UCHL5: variants seen among roughly 807,000 people sequenced by gnomAD.
UCHL5 encodes the protein ubiquitin carboxyl-terminal hydrolase isozyme L5.
UCHL5 carries 34 observed loss-of-function variants against 53.8 expected under a neutral mutation model. That is an observed-to-expected ratio of 0.63 (90% CI 0.48 to 0.84). The LOEUF is 0.84. Ranked by LOEUF, UCHL5 falls within the 40% of genes least tolerant of loss-of-function variation. UCHL5 has a pLI of 0.00. For synonymous variants in UCHL5, 111 were observed against 126.3 expected (o/e 0.88, Z 0.81); for missense variants, 290 against 385.6 (o/e 0.75, Z 2.08).
intron 3 of UCHL5, among the ~76,000 whole-genome samples, chr1:193,044,147 T>C (rs1454279988): frequency 6.6e-6 from 1 of 152,232 alleles, no homozygotes; most frequent in Non-Finnish European, 1.5e-5. Flanking sequence ...CTTCGTAATA[T>C]AGTCCTCATT....
chr1:193,044,831 T>C (rs972275624), intron 3 of UCHL5, among the ~76,000 whole-genome samples: 2 of 152,156 alleles, frequency 1.3e-5, no homozygotes, highest in South Asian at 2.1e-4. Flanking sequence ...AGGAGGCATA[T>C]ACTAAAAAGA....
At chr1:193,049,035 C>A (rs1399509713) in intron 3 of UCHL5, among the ~76,000 whole-genome samples, 1 of 152,002 alleles carries the variant, frequency 6.6e-6, no homozygotes, top group Non-Finnish European at 1.5e-5. Context: ...ACCACAGGCA[C>A]GCCACCACCA....
chr1:193,054,486 G>A (rs761459203), intron 1 of UCHL5, among the ~76,000 whole-genome samples: 2 of 152,206 alleles, frequency 1.3e-5, no homozygotes, highest in Non-Finnish European at 2.9e-5. Context: ...TTTGGCTGAT[G>A]ATGTGACCAA....
intron 10 of UCHL5, chr1:193,020,504 T>C (rs1339552272): frequency 7.0e-7 from 1 of 1,437,184 alleles, no homozygotes; most frequent in Non-Finnish European, 9.2e-7. Flanking sequence ...TCCACTGATG[T>C]TCACTTTCAG....
chr1:193,020,183 T>C, intron 10 of UCHL5: 1 of 1,364,952 alleles, frequency 7.3e-7, no homozygotes, highest in Non-Finnish European at 9.5e-7. Flanking sequence ...ATCAATAAGG[T>C]AATATACACA....
Position 193,015,818 on chromosome 1 carries a change from G to A in UCHL5, c.*533C>T, listed in dbSNP as rs560163065. 3 of 152,032 alleles carry A rather than the reference G, an allele frequency of 2.0e-5. No individual in the cohort carries two copies. The South Asian group carries it at 6.2e-4, about 31-fold the overall frequency. 9.4% of individuals were successfully genotyped at this position (152,032 alleles called of 1,614,324 possible). On this transcript the variant is annotated 3_prime_UTR_variant, in exon 11 of 11. Transcript: ENST00000367454. ...TCTACTGACAGCAGTGAAAATCACT[G>A]GAAATTATACTTTTGTCCTTTTTAA...
chr1:193,047,486 A>C (rs1023383857), intron 3 of UCHL5, among the ~76,000 whole-genome samples: 7 of 152,214 alleles, frequency 4.6e-5, no homozygotes, highest in Non-Finnish European at 1.5e-5. Flanking sequence ...AATTCAAAAA[A>C]GTCAGAGGAA....
chr1:193,031,813 A>T (rs191987632), intron 3 of UCHL5, among the ~76,000 whole-genome samples: 51 of 152,348 alleles, frequency 3.3e-4, no homozygotes, highest in Middle Eastern at 3.4e-3. Flanking sequence ...TCTATTTGAA[A>T]GAACTGTAAC....
At chr1:193,057,066 A>AT (rs1159067692) in intron 1 of UCHL5, among the ~76,000 whole-genome samples, 2 of 152,256 alleles carry the variant, frequency 1.3e-5, no homozygotes, top group African/African-American at 2.4e-5. Context: ...TAACTTTAAC[A>AT]TATTGTTAAG....
chr1:193,038,373 G>A (rs1664341726), intron 3 of UCHL5, among the ~76,000 whole-genome samples: 1 of 148,974 alleles, frequency 6.7e-6, no homozygotes, highest in African/African-American at 2.5e-5. Flanking sequence ...GGAGAATGGC[G>A]TGAACCGGGA....
chr1:193,025,411 T>C (rs1395878573), intron 7 of UCHL5, among the ~76,000 whole-genome samples: 1 of 152,212 alleles, frequency 6.6e-6, no homozygotes, highest in Non-Finnish European at 1.5e-5. Flanking sequence ...CATGTGGTAA[T>C]GACAACACCC....
At position 193,012,471 on chromosome 1, in the gene UCHL5, A is replaced by C. The variant is rs1033487229; in HGVS notation, c.*3880T>G. Reference sequence around the variant, plus strand: ...ACATGATTGCAAATTAATATTCTTAATTATTGCACATTGGTTCTGCCTATA... The same window carrying C: ...ACATGATTGCAAATTAATATTCTTACTTATTGCACATTGGTTCTGCCTATA... On this transcript the variant is annotated 3_prime_UTR_variant, in exon 11 of 11. Transcript: ENST00000367454. 6.6e-6 allele frequency: 1 copy of C among 152,204 alleles called. No homozygotes were observed. Among genetic ancestry groups the C allele is most frequent in the African/African-American group, 2.4e-5 (1 of 41,452 alleles). The allele number at this position is 152,204 out of a possible 1,614,324, so 9.4% of individuals were successfully genotyped here. A position where few individuals can be genotyped will look rare whatever the true frequency, so the allele number is the denominator to read the frequency against.
chr1:193,018,686 G>T, intron 10 of UCHL5: 1 of 1,303,970 alleles, frequency 7.7e-7, no homozygotes, highest in South Asian at 2.6e-5. Context: ...ACAGATTATA[G>T]GCAACTGCCT....
chr1:193,019,736 T>A (rs925456290), intron 10 of UCHL5, among the ~76,000 whole-genome samples: 3 of 151,846 alleles, frequency 2.0e-5, no homozygotes, highest in South Asian at 4.1e-4. Context: ...AATCTGGGGA[T>A]ATAGTGTAAT....
At chr1:193,029,743 A>G in intron 3 of UCHL5, 86 bp from the exon 4 acceptor site, 1 of 1,033,336 alleles carries the variant, frequency 9.7e-7, no homozygotes, top group Non-Finnish European at 1.4e-6. Flanking sequence ...CAAAACATGA[A>G]CAGTTTTCAA....
intron 7 of UCHL5, among the ~76,000 whole-genome samples, chr1:193,027,628 T>C (rs1481589590): frequency 6.6e-6 from 1 of 152,128 alleles, no homozygotes; most frequent in Admixed American, 6.6e-5. Context: ...GAGGTTGCAG[T>C]GAGCCGAGAT....
chr1:193,018,716 T>A (rs938418669), intron 10 of UCHL5: 5 of 1,390,446 alleles, frequency 3.6e-6, no homozygotes, highest in Non-Finnish European at 3.8e-6. Flanking sequence ...AAAAATCTCA[T>A]CCTGTAGAAT....
chr1:193,019,455 G>A (rs1336701759), intron 10 of UCHL5, among the ~76,000 whole-genome samples: 2 of 151,492 alleles, frequency 1.3e-5, no homozygotes, highest in Admixed American at 6.6e-5. Context: ...CAGAACCTAG[G>A]AGAATAATAG....
intron 3 of UCHL5, 72 bp from the exon 4 acceptor site, chr1:193,029,729 G>A: frequency 8.3e-7 from 1 of 1,209,430 alleles, no homozygotes. Flanking sequence ...GGTGACAATG[G>A]CCCCAAAACA....
Sources: allele counts gnomAD v4.1 joint callset (sites outside exome capture counted in the v4.1 genomes callset), GRCh38; gene constraint gnomAD v4.1.1; transcripts MANE v1.5; gene names NCBI Gene and HGNC (gene_info 2026-07-23, HGNC 2026-07-21).